Variants in GTF2H4 observed in about 807,000 individuals in gnomAD.
GTF2H4 encodes the protein general transcription factor IIH subunit 4.
A neutral mutation model predicts 62.2 loss-of-function variants in GTF2H4; 49 were observed. That is an observed-to-expected ratio of 0.79 (90% CI 0.63 to 1.00). GTF2H4 has a LOEUF of 1.00. Ranked by LOEUF, GTF2H4 falls within the 50% of genes least tolerant of loss-of-function variation. The probability of loss-of-function intolerance (pLI) is 0.00; values close to 1 mark genes in which losing one functional copy is unlikely to be tolerated. For synonymous variants in GTF2H4, 189 were observed against 233.8 expected (o/e 0.81, Z 1.75); for missense variants, 479 against 587.8 (o/e 0.81, Z 1.91).
rs1793707297 is a variant in GTF2H4 at position 30,910,244 on chromosome 6, C to G, written c.374+181C>G. Among the ~76,000 whole-genome samples, 1 of 152,164 alleles carries G rather than the reference C, an allele frequency of 6.6e-6. No individual in the cohort carries two copies. Among genetic ancestry groups the G allele is most frequent in the Non-Finnish European group, 1.5e-5 (1 of 68,026 alleles). On this transcript the variant is annotated intron_variant, in intron 4 of 13. Transcript: ENST00000259895. This position sits in a 1 kb window ranked among gnomAD's most constrained non-coding sequence, Gnocchi z 4.7. ...AGTGTGTGGTGTAGGAAATGTCCCC[C>G]ACTCATGGCCCCTGAGGATAAGGGT... is the stretch of plus-strand genomic sequence containing the variant.
Position 30,912,079 on chromosome 6 carries a change from TG to T in GTF2H4, c.896del (p.Gly299AlafsTer48). The T allele has an allele frequency of 6.2e-7, 1 of 1,613,008 alleles. No individual in the cohort carries two copies. The highest frequency in any genetic ancestry group is 8.5e-7 in the Non-Finnish European group (1 of 1,180,006). The stretch of plus-strand genomic sequence containing the variant: ...ATCTCTCATCAGGTGTCTCTGGAGC[TG>T]GGGGCACTGTGCATCAGCCAGGTTT... ...INLSSGVSGA[G>X]GTVHQPGFIV... On this transcript the variant is annotated frameshift_variant, in exon 10 of 14. Transcript: ENST00000259895. LOFTEE classifies it high-confidence loss of function. This position sits in a 1 kb window ranked among gnomAD's most constrained non-coding sequence, Gnocchi z 4.8.
chr6:30,911,554 C>A lies in GTF2H4; in HGVS notation c.741+55C>A. 1.3e-6 allele frequency: 2 copies of A among 1,484,128 alleles called. No individual in the cohort carries two copies. The highest frequency in any genetic ancestry group is 1.9e-6 in the Non-Finnish European group (2 of 1,066,316). The allele number at this position is 1,484,128 out of a possible 1,614,324, so 91.9% of individuals were successfully genotyped here. A position where few individuals can be genotyped will look rare whatever the true frequency, so the allele number is the denominator to read the frequency against. On this transcript the variant is annotated intron_variant, in intron 8 of 13. Transcript: ENST00000259895. The surrounding 1 kb of genome is among the most constrained non-coding windows in gnomAD (Gnocchi z 4.3). ...GGGAAGGGGAAAGCAAGTTGTGGGG[C>A]AGTAGAGTAGACTGAGAAGATAAGA...
rs1258887587 is a variant in GTF2H4 at position 30,911,187 on chromosome 6, C to A, written c.590C>A (p.Thr197Asn). The change falls in exon 7 of 14, where the codon ACT becomes AAT. Residue 197 changes from threonine to asparagine, a missense_variant. Physicochemically the swap from Thr to Asn is moderately conservative, Grantham distance 65. Transcript: ENST00000259895. This position sits in a 1 kb window ranked among gnomAD's most constrained non-coding sequence, Gnocchi z 4.3. ...STEPGEPPCI[T>N]SAGFQFLLLD... ...GAACCTGGAGAGCCGCCCTGCATTA[C>A]TTCCGCTGGCTTCCAGTTCCTGTTG... is the stretch of plus-strand genomic sequence containing the variant. 6.2e-7 allele frequency: 1 copy of A among 1,613,720 alleles called. No homozygotes were observed.
rs1335510078 is a variant in GTF2H4 at position 30,911,511 on chromosome 6, G to A, written c.741+12G>A. On this transcript the variant is annotated intron_variant, in intron 8 of 13. Transcript: ENST00000259895. This position sits in a 1 kb window ranked among gnomAD's most constrained non-coding sequence, Gnocchi z 4.3. ...CTACTCTGGGCAAGGTAAGCAGGGG[G>A]CTGAAAGGTATAGAGATGGGAAGGG... 4 of 1,611,018 alleles carry A rather than the reference G, an allele frequency of 2.5e-6. No homozygotes were observed. The highest frequency in any genetic ancestry group is 2.2e-5 in the South Asian group (2 of 91,028).
rs1562435147 is a variant in GTF2H4 at position 30,909,055 on chromosome 6, AG to A, written c.23del (p.Gly8AspfsTer2). The A allele has an allele frequency of 6.2e-7, 1 of 1,614,138 alleles. No homozygotes were observed. The highest frequency in any genetic ancestry group is 1.7e-5 in the Admixed American group (1 of 60,024). ...TCAGGTGATGGAGAGCACCCCTTCA[AG>A]GGGACTGAACCGAGTACACCTACAA... is the stretch of plus-strand genomic sequence containing the variant. The part of the protein sequence containing the change: MESTPS[R>X]GLNRVHLQCR... On this transcript the variant is annotated frameshift_variant, in exon 2 of 14. Transcript: ENST00000259895. LOFTEE classifies it high-confidence loss of function. This position sits in a 1 kb window ranked among gnomAD's most constrained non-coding sequence, Gnocchi z 4.3.
At position 30,911,174 on chromosome 6, in the gene GTF2H4, C is replaced by G; in HGVS notation, c.577C>G (p.Pro193Ala). 6.2e-7 allele frequency: 1 copy of G among 1,613,092 alleles called. No individual in the cohort carries two copies. Among genetic ancestry groups the G allele is most frequent in the Middle Eastern group, 1.8e-4 (1 of 5,608 alleles). ...GLMKSTEPGE[P>A]PCITSAGFQF... ...TGTCTCTAGTACTGAACCTGGAGAG[C>G]CGCCCTGCATTACTTCCGCTGGCTT... The change falls in exon 7 of 14, where the codon CCG (proline) becomes GCG (alanine). Residue 193 changes from proline (P) to alanine (A), a missense_variant. Coordinates refer to ENST00000259895, the MANE Select transcript of GTF2H4 (RefSeq NM_001517.5). The surrounding 1 kb of genome is among the most constrained non-coding windows in gnomAD (Gnocchi z 4.3).
chr6:30,908,981 G>C lies in GTF2H4; in HGVS notation c.-3-53G>C, dbSNP rs1001623670. ...TCTGGAATCAGTTAGAAAGGTCAGG[G>C]GTGACACTGGCATGGATGGTGAGGT... On this transcript the variant is annotated intron_variant, in intron 1 of 13. Coordinates refer to ENST00000259895, the MANE Select transcript of GTF2H4 (RefSeq NM_001517.5). The C allele has an allele frequency of 2.5e-6, 4 of 1,605,726 alleles. No homozygotes were observed. In the African/African-American group the frequency reaches 4.0e-5, roughly 16 times the overall value.
Position 30,909,900 on chromosome 6 carries a change from A to G in GTF2H4, c.243-32A>G. ...TATGGGCCTCCTTTTTGTTTTCCAA[A>G]TACCCTACTCACCTCTCTGCTTCTG... On this transcript the variant is annotated intron_variant, in intron 3 of 13. Transcript: ENST00000259895. The surrounding 1 kb of genome is among the most constrained non-coding windows in gnomAD (Gnocchi z 4.3). The G allele has an allele frequency of 6.3e-7, 1 of 1,585,612 alleles. No homozygotes were observed. The highest frequency in any genetic ancestry group is 8.6e-7 in the Non-Finnish European group (1 of 1,169,010).
Position 30,911,798 on chromosome 6 carries a change from G to A in GTF2H4, c.825+31G>A. 6.3e-7 allele frequency: 1 copy of A among 1,577,322 alleles called. No individual in the cohort carries two copies. The highest frequency in any genetic ancestry group is 8.7e-7 in the Non-Finnish European group (1 of 1,147,656). On this transcript the variant is annotated intron_variant, in intron 9 of 13. Transcript: ENST00000259895. This position sits in a 1 kb window ranked among gnomAD's most constrained non-coding sequence, Gnocchi z 4.3. The stretch of plus-strand genomic sequence containing the variant: ...AGCGCCTAGATAAGTGGCTTCCAGG[G>A]AAGAAACAGGGTGGTGTGTTGCCTT...
chr6:30,911,478 C>T lies in GTF2H4; in HGVS notation c.720C>T (p.Leu240=), dbSNP rs763723258. 5.0e-6 allele frequency: 8 copies of T among 1,613,904 alleles called. No homozygotes were observed. The highest frequency in any genetic ancestry group is 1.3e-5 in the African/African-American group (1 of 74,898). Residue 240 remains leucine, a synonymous_variant, in exon 8 of 14, where the codon CTC becomes CTT. Coordinates refer to ENST00000259895, the MANE Select transcript of GTF2H4 (RefSeq NM_001517.5). This position sits in a 1 kb window ranked among gnomAD's most constrained non-coding sequence, Gnocchi z 4.3. ...AGATTCTCTCCTTCCTCTTCCAGCT[C>T]AGCTTCTCTACTCTGGGCAAGGTAA... is the stretch of plus-strand genomic sequence containing the variant. ...LVEILSFLFQ[L]SFSTLGKDYS...
rs1395355824 is a variant in GTF2H4 at position 30,909,176 on chromosome 6, G to A, written c.137+3G>A. 1.2e-6 allele frequency: 2 copies of A among 1,611,526 alleles called. No individual in the cohort carries two copies. Among genetic ancestry groups the A allele is most frequent in the Non-Finnish European group, 1.7e-6 (2 of 1,178,276 alleles). ...GCCACATGTCTGGCTGTCTTCAGGT[G>A]AGAAGCCCCTTCATGGCAGGGAAAT... On this transcript the variant is annotated splice_donor_region_variant and intron_variant, in intron 2 of 13. Coordinates refer to ENST00000259895, the MANE Select transcript of GTF2H4 (RefSeq NM_001517.5). This position sits in a 1 kb window ranked among gnomAD's most constrained non-coding sequence, Gnocchi z 4.3.
rs1163506814 is a variant in GTF2H4 at position 30,909,562 on chromosome 6, T to C, written c.242+23T>C. 7.0e-7 allele frequency: 1 copy of C among 1,420,146 alleles called. No homozygotes were observed. Among genetic ancestry groups the C allele is most frequent in the African/African-American group, 1.4e-5 (1 of 71,130 alleles). The allele number at this position is 1,420,146 out of a possible 1,614,324, so 88.0% of individuals were successfully genotyped here. A position where few individuals can be genotyped will look rare whatever the true frequency, so the allele number is the denominator to read the frequency against. On this transcript the variant is annotated intron_variant, in intron 3 of 13. Coordinates refer to ENST00000259895, the MANE Select transcript of GTF2H4 (RefSeq NM_001517.5). This position sits in a 1 kb window ranked among gnomAD's most constrained non-coding sequence, Gnocchi z 4.3. ...CAAGTAAGTCTCAGCCAGATACAAA[T>C]TTCTCAACAGCTACATTTCCCAAAC... is the stretch of plus-strand genomic sequence containing the variant.
rs781661536 is a variant in GTF2H4, at chr6:30,913,429, G to A, written c.1216+42G>A. ...GGCCAAGTCTTGGTCATTGGCCAGA[G>A]AAAGGGCAGACAGTTCAGTCTGCAT... On this transcript the variant is annotated intron_variant, in intron 13 of 13. Coordinates refer to ENST00000259895, the MANE Select transcript of GTF2H4 (RefSeq NM_001517.5). This position sits in a 1 kb window ranked among gnomAD's most constrained non-coding sequence, Gnocchi z 4.2. 3.7e-6 allele frequency: 6 copies of A among 1,600,202 alleles called. No individual in the cohort carries two copies. The highest frequency in any genetic ancestry group is 5.1e-6 in the Non-Finnish European group (6 of 1,171,792).
chr6:30,909,040 G>C lies in GTF2H4; in HGVS notation c.4G>C (p.Glu2Gln). 2 of 1,614,118 alleles carry C rather than the reference G, an allele frequency of 1.2e-6. No individual in the cohort carries two copies. The highest frequency in any genetic ancestry group is 1.7e-6 in the Non-Finnish European group (2 of 1,180,030). The change falls in exon 2 of 14, where the codon GAG becomes CAG. Residue 2 changes from glutamate (E) to glutamine (Q), a missense_variant. Transcript: ENST00000259895. The surrounding 1 kb of genome is among the most constrained non-coding windows in gnomAD (Gnocchi z 4.3). ...TGACGTTTGCATTCCTCAGGTGATGGAGAGCACCCCTTCAAGGGGACTGAA... is the reference window on the plus strand; with the variant it reads ...TGACGTTTGCATTCCTCAGGTGATGCAGAGCACCCCTTCAAGGGGACTGAA... MESTPSRGLNRV... is the reference protein window; with the variant it reads MQSTPSRGLNRV...
Position 30,914,000 on chromosome 6 carries a change from C to A in GTF2H4, c.*17C>A. ...AGCTCCTGAGAGCGCGGGACTTGGA[C>A]ACGGACCTCGGCGGGCGGGACTGGG... On this transcript the variant is annotated 3_prime_UTR_variant, in exon 14 of 14. Transcript: ENST00000259895. The surrounding 1 kb of genome is among the most constrained non-coding windows in gnomAD (Gnocchi z 4.2). 2.5e-6 allele frequency: 4 copies of A among 1,571,176 alleles called. No individual in the cohort carries two copies. The highest frequency in any genetic ancestry group is 3.5e-6 in the Non-Finnish European group (4 of 1,156,722).
At position 30,910,001 on chromosome 6, in the gene GTF2H4, G is replaced by A. The variant is rs1379974927; in HGVS notation, c.312G>A (p.Gly104=). 1.2e-6 allele frequency: 2 copies of A among 1,612,952 alleles called. No individual in the cohort carries two copies. Among genetic ancestry groups the A allele is most frequent in the Non-Finnish European group, 8.5e-7 (1 of 1,179,970 alleles). ...GGCACACACAGCTGCTCCCAGGCGG[G>A]CTCCAGGGCCTCATCCTCAACCCCA... ...RIWHTQLLPG[G]LQGLILNPIF... The change falls in exon 4 of 14, where the codon GGG becomes GGA. Residue 104 remains glycine (G), a synonymous_variant. Transcript: ENST00000259895. This position sits in a 1 kb window ranked among gnomAD's most constrained non-coding sequence, Gnocchi z 4.7.
rs1793741966 is a variant in GTF2H4, at chr6:30,911,056, G to A, written c.561-102G>A. The A allele has an allele frequency of 7.6e-7, 1 of 1,320,384 alleles. No individual in the cohort carries two copies. Among genetic ancestry groups the A allele is most frequent in the Non-Finnish European group, 1.1e-6 (1 of 925,028 alleles). The allele number at this position is 1,320,384 out of a possible 1,614,324, so 81.8% of individuals were successfully genotyped here. A position where few individuals can be genotyped will look rare whatever the true frequency, so the allele number is the denominator to read the frequency against. ...ACATTAGCTGGAAAAGGCAAGCTGA[G>A]TAGAATATAGCCAGAGATACCAAGA... On this transcript the variant is annotated intron_variant, in intron 6 of 13. Transcript: ENST00000259895. This position sits in a 1 kb window ranked among gnomAD's most constrained non-coding sequence, Gnocchi z 4.3.
chr6:30,911,020 A>G lies in GTF2H4; in HGVS notation c.560+79A>G. On this transcript the variant is annotated intron_variant, in intron 6 of 13. Coordinates refer to ENST00000259895, the MANE Select transcript of GTF2H4 (RefSeq NM_001517.5). This position sits in a 1 kb window ranked among gnomAD's most constrained non-coding sequence, Gnocchi z 4.3. ...TAAGAAATGGTATCTGGGGCTAGTC[A>G]AGATCAGAGGACATTAGCTGGAAAA... The G allele has an allele frequency of 2.9e-6, 4 of 1,372,746 alleles. No individual in the cohort carries two copies. Among genetic ancestry groups the G allele is most frequent in the Non-Finnish European group, 4.1e-6 (4 of 980,140 alleles). The allele number at this position is 1,372,746 out of a possible 1,614,324, so 85.0% of individuals were successfully genotyped here.
Position 30,912,864 on chromosome 6 carries a change from C to A in GTF2H4, c.1090-246C>A, listed in dbSNP as rs999882073. ...AAATGCTAAAAAAAGAAAATAGTAG[C>A]TGCTGCTATTTTAAAGAAAGAAAAA... is the stretch of plus-strand genomic sequence containing the variant. On this transcript the variant is annotated intron_variant, in intron 11 of 13. Coordinates refer to ENST00000259895, the MANE Select transcript of GTF2H4 (RefSeq NM_001517.5). The surrounding 1 kb of genome is among the most constrained non-coding windows in gnomAD (Gnocchi z 4.8). Among the ~76,000 whole-genome samples, 2 of 152,024 alleles carry A rather than the reference C, an allele frequency of 1.3e-5. No individual in the cohort carries two copies. Among genetic ancestry groups the A allele is most frequent in the Non-Finnish European group, 2.9e-5 (2 of 68,000 alleles).
Sources: gnomAD v4.1 joint callset for allele counts (sites outside exome capture counted in the v4.1 genomes callset) on GRCh38, gnomAD v4.1.1 for gene constraint, Gnocchi (gnomAD v3.1) non-coding constraint, MANE v1.5 for transcripts, NCBI Gene and HGNC (gene_info 2026-07-23, HGNC 2026-07-21) for gene names.